Variants in ARHGAP44 observed in about 807,000 individuals in gnomAD.
The protein encoded by ARHGAP44 is rho GTPase-activating protein 44.
A neutral mutation model predicts 106.8 loss-of-function variants in ARHGAP44; 43 were observed. That is an observed-to-expected ratio of 0.40 (90% confidence interval 0.32 to 0.52). ARHGAP44 has a LOEUF of 0.52. Ranked by LOEUF, ARHGAP44 falls within the 20% of genes least tolerant of loss-of-function variation. The pLI, the probability that ARHGAP44 is intolerant of heterozygous loss-of-function variation, is 0.48. For synonymous variants in ARHGAP44, 439 were observed against 410.3 expected, an observed-to-expected ratio of 1.07 and a Z score of -0.85; for missense variants, 866 against 1,050.5, an observed-to-expected ratio of 0.82 and a Z score of 2.43.
At chr17:12,852,462 A>G (rs9905046) in intron 1 of ARHGAP44, among the ~76,000 whole-genome samples, 33,201 of 149,484 alleles carry the variant, frequency 0.22, 4,190 homozygotes, top group African/African-American at 0.35. Flanking sequence ...GTTTTCATTA[A>G]ATCCCTCTAT....
intron 7 of ARHGAP44, among the ~76,000 whole-genome samples, chr17:12,931,860 A>G (rs1468514222): frequency 6.6e-6 from 1 of 151,478 alleles, no homozygotes; most frequent in Non-Finnish European, 1.5e-5. Context: ...ACACACACAC[A>G]CACACACACA....
At chr17:12,872,121 C>T (rs1334469522) in intron 1 of ARHGAP44, among the ~76,000 whole-genome samples, 3 of 152,148 alleles carry the variant, frequency 2.0e-5, no homozygotes, top group Non-Finnish European at 2.9e-5. Context: ...ACAAAGTATT[C>T]AATTGTCTGT....
intron 18 of ARHGAP44, 42 bp downstream of exon 18, chr17:12,974,352 T>G: frequency 7.4e-7 from 1 of 1,350,150 alleles, no homozygotes; most frequent in South Asian, 1.8e-5. Flanking sequence ...TGGTGTGCGG[T>G]GCAGGGGGTG....
At chr17:12,913,068 C>T (rs538082103) in intron 4 of ARHGAP44, among the ~76,000 whole-genome samples, 2 of 152,232 alleles carry the variant, frequency 1.3e-5, no homozygotes, top group South Asian at 4.1e-4. Flanking sequence ...AAAACTCAAT[C>T]CGCATTGAGA....
intron 4 of ARHGAP44, among the ~76,000 whole-genome samples, chr17:12,911,560 G>T (rs758872871): frequency 3.9e-5 from 6 of 152,150 alleles, no homozygotes; most frequent in African/African-American, 1.4e-4. Flanking sequence ...TGGGTCTTTG[G>T]GGGTGGAGTG....
At chr17:12,842,534 ATTTGCATCAGAACCACC>A (rs1331844085) in intron 1 of ARHGAP44, among the ~76,000 whole-genome samples, 1 of 152,076 alleles carries the variant, frequency 6.6e-6, no homozygotes, top group Non-Finnish European at 1.5e-5. Flanking sequence ...TCCAACTTTC[ATTTGCATCAGAACCACC>A]TGGAGGACTC....
At chr17:12,954,882 T>C (rs1049849622) in intron 13 of ARHGAP44, among the ~76,000 whole-genome samples, 30 of 152,222 alleles carry the variant, frequency 2.0e-4, no homozygotes, top group African/African-American at 6.8e-4. Flanking sequence ...TTTCATACCA[T>C]TGAACCTTTT....
At chr17:12,883,367 T>C (rs2036792921) in intron 1 of ARHGAP44, among the ~76,000 whole-genome samples, 1 of 151,672 alleles carries the variant, frequency 6.6e-6, no homozygotes, top group Non-Finnish European at 1.5e-5. Context: ...ATTTTTACTA[T>C]ATTATTAGTT....
chr17:12,841,622 ACACACACACAC>A (rs2035401913), intron 1 of ARHGAP44, among the ~76,000 whole-genome samples: 1 of 145,978 alleles, frequency 6.9e-6, no homozygotes, highest in African/African-American at 2.7e-5. Flanking sequence ...ACACACACAC[ACACACACACAC>A]ACACACAAAC....
At chr17:12,853,366 G>A (rs1267733450) in intron 1 of ARHGAP44, among the ~76,000 whole-genome samples, 8 of 152,194 alleles carry the variant, frequency 5.3e-5, no homozygotes, top group African/African-American at 1.7e-4. Context: ...CTGAAGGACC[G>A]AAACGTGTCA....
At chr17:12,882,834 C>T (rs930283663) in intron 1 of ARHGAP44, among the ~76,000 whole-genome samples, 15 of 152,034 alleles carry the variant, frequency 9.9e-5, no homozygotes, top group African/African-American at 3.4e-4. Context: ...GTCATTAATA[C>T]ATGAAGATGG....
intron 1 of ARHGAP44, among the ~76,000 whole-genome samples, chr17:12,841,191 C>T (rs1277628215): frequency 6.6e-6 from 1 of 152,154 alleles, no homozygotes; most frequent in Non-Finnish European, 1.5e-5. Flanking sequence ...GCAACCTGTA[C>T]ACAGGAAAGC....
intron 1 of ARHGAP44, among the ~76,000 whole-genome samples, chr17:12,805,170 C>T (rs1193594830): frequency 2.6e-5 from 4 of 152,140 alleles, no homozygotes; most frequent in African/African-American, 9.7e-5. Flanking sequence ...CTGTTTCTTT[C>T]TTGGTGCTTC....
intron 16 of ARHGAP44, among the ~76,000 whole-genome samples, chr17:12,971,326 C>T (rs1308469005): frequency 1.3e-5 from 2 of 152,118 alleles, no homozygotes; most frequent in African/African-American, 4.8e-5. Flanking sequence ...CATCCCCCAC[C>T]AGCTTTGGCC....
chr17:12,825,852 T>C (rs2034904396), intron 1 of ARHGAP44, among the ~76,000 whole-genome samples: 1 of 152,216 alleles, frequency 6.6e-6, no homozygotes, highest in Non-Finnish European at 1.5e-5. Flanking sequence ...CCACAATGTA[T>C]GACATGTAGA....
rs1213325834 is a variant in ARHGAP44 at position 12,931,841 on chromosome 17, T to TACACACAAACACAC, written c.582+2802_582+2803insAACACACACACACA. On this transcript the variant is annotated intron_variant, in intron 7 of 20. Transcript: ENST00000379672. ...ATTGCATGATATTCCACAGTAGGGATACACACACACACACACACACACACA... is the reference window on the plus strand; with the variant it reads ...ATTGCATGATATTCCACAGTAGGGATACACACAAACACACACACACACACACACACACACACACA... Among the ~76,000 whole-genome samples the TACACACAAACACAC allele has an allele frequency of 1.1e-3, 164 of 146,412 alleles. 3 individuals are homozygous for TACACACAAACACAC. The South Asian group carries it at 0.033, about 30-fold the overall frequency.
Position 12,974,165 on chromosome 17 carries a change from C to T in ARHGAP44, c.1618C>T (p.Pro540Ser). 6.4e-7 allele frequency: 1 copy of T among 1,554,110 alleles called. No individual in the cohort carries two copies. Among genetic ancestry groups the T allele is most frequent in the Non-Finnish European group, 8.7e-7 (1 of 1,149,380 alleles). ...SSAGRKVSCA[P>S]PSMQPPAPPA... ...GGCCGGTCGGAAAGTGTCCTGCGCCCCGCCCTCCATGCAGCCTCCCGCCCC... is the reference window on the plus strand; with the variant it reads ...GGCCGGTCGGAAAGTGTCCTGCGCCTCGCCCTCCATGCAGCCTCCCGCCCC... The change falls in exon 18 of 21, where the codon CCG becomes TCG. Residue 540 changes from proline to serine, a missense_variant. Physicochemically the swap from Pro to Ser is moderately conservative, Grantham distance 74 (BLOSUM62 -1). Around this residue, in one of 2 missense-constraint regions of ARHGAP44, gnomAD observed 418 missense variants for 403.6 expected, o/e 1.04. Coordinates refer to ENST00000379672, the MANE Select transcript of ARHGAP44 (RefSeq NM_014859.6).
Position 12,984,750 on chromosome 17 carries a change from C to T in ARHGAP44, c.2159C>T (p.Thr720Ile), listed in dbSNP as rs1037390598. The T allele has an allele frequency of 1.7e-5, 27 of 1,613,950 alleles. No homozygotes were observed. Among genetic ancestry groups the T allele is most frequent in the Non-Finnish European group, 2.1e-5 (25 of 1,179,884 alleles). The change falls in exon 20 of 21, where the codon ACA becomes ATA. Residue 720 changes from threonine to isoleucine, a missense_variant. Physicochemically the swap from Thr to Ile is moderately conservative, Grantham distance 89 (BLOSUM62 -1). Around this residue, in one of 2 missense-constraint regions of ARHGAP44, gnomAD observed 418 missense variants for 403.6 expected, o/e 1.04. Transcript: ENST00000379672. Reference protein sequence around the residue: ...APPLASPSVFTSTLSKSRPTP... With the variant: ...APPLASPSVFISTLSKSRPTP... ...CCCCTGGCCTCTCCTTCTGTCTTTA[C>T]AAGCACTTTGAGCAAATCGCGGCCC...
chr17:12,935,054 A>G (rs2038506067), intron 7 of ARHGAP44, among the ~76,000 whole-genome samples: 1 of 152,152 alleles, frequency 6.6e-6, no homozygotes, highest in African/African-American at 2.4e-5. Context: ...TGAGTCACTA[A>G]ATTTATATCG....
Sources: gnomAD v4.1 joint callset for allele counts (sites outside exome capture counted in the v4.1 genomes callset) on GRCh38, gnomAD v4.1.1 for gene constraint, gnomAD v4.1.1 regional missense constraint, MANE v1.5 for transcripts, NCBI Gene and HGNC (gene_info 2026-07-23, HGNC 2026-07-21) for gene names.